FGF14: variants seen among roughly 807,000 people sequenced by gnomAD.
The protein encoded by FGF14 is fibroblast growth factor 14.
In FGF14, 5 loss-of-function variants were observed where a neutral mutation model predicts 25.5. That is an observed-to-expected ratio of 0.20 (90% confidence interval 0.10 to 0.41). FGF14 has a LOEUF of 0.41. Among genes scored for constraint, FGF14 ranks in the 10% least tolerant of loss-of-function variants. The pLI is 1.00. For missense variants in FGF14, 222 were observed against 320.1 expected, an observed-to-expected ratio of 0.69 and a Z score of 2.34; for synonymous variants, 138 against 118.3, an observed-to-expected ratio of 1.17 and a Z score of -1.08.
chr13:101,716,083 A>C lies in FGF14; in HGVS notation c.*6748T>G, dbSNP rs2034708948. 1 of 154,146 alleles carries C rather than the reference A, an allele frequency of 6.5e-6. No individual in the cohort carries two copies. The highest frequency in any genetic ancestry group is 2.4e-5 in the African/African-American group (1 of 41,496). The allele number at this position is 154,146 out of a possible 1,614,324, so 9.5% of individuals were successfully genotyped here. ...CAGCCCCAAATGCCAATAGGGCTCA[A>C]ACTGAGAAACATTGAGTTATATGGC... is the stretch of plus-strand genomic sequence containing the variant. On this transcript the variant is annotated 3_prime_UTR_variant, in exon 5 of 5. Transcript: ENST00000376143.
At chr13:102,025,983 A>G (rs1335218406) in intron 1 of FGF14, among the ~76,000 whole-genome samples, 3 of 152,016 alleles carry the variant, frequency 2.0e-5, no homozygotes, top group Non-Finnish European at 4.4e-5. Flanking sequence ...TTCAAATACA[A>G]TGTTAAACAG....
chr13:102,401,559 C>T, exon 1 of FGF14: 2 of 1,614,158 alleles, frequency 1.2e-6, no homozygotes, highest in Non-Finnish European at 1.7e-6. Context: ...AAAGAAACCA[C>T]ATTGATTTGG....
chr13:102,144,103 C>A (rs999846919), intron 1 of FGF14, among the ~76,000 whole-genome samples: 2 of 152,168 alleles, frequency 1.3e-5, no homozygotes, highest in African/African-American at 4.8e-5. Context: ...ATAGCCTTAA[C>A]CTCCTGGGCT....
intron 1 of FGF14, among the ~76,000 whole-genome samples, chr13:102,007,872 T>C (rs1259899781): frequency 1.3e-5 from 2 of 152,206 alleles, no homozygotes; most frequent in African/African-American, 4.8e-5. Context: ...TTTTGTTATT[T>C]GTTGGAATAA....
intron 1 of FGF14, among the ~76,000 whole-genome samples, chr13:102,063,339 T>C (rs1236768909): frequency 6.6e-6 from 1 of 152,178 alleles, no homozygotes; most frequent in Non-Finnish European, 1.5e-5. Flanking sequence ...AGTTGTGTTA[T>C]AAATTGGTAA....
chr13:102,003,648 T>C (rs547787483), intron 1 of FGF14, among the ~76,000 whole-genome samples: 8 of 151,362 alleles, frequency 5.3e-5, no homozygotes, highest in Non-Finnish European at 1.2e-4. Flanking sequence ...GCTTGTTTCT[T>C]TATTGCAAGG....
At chr13:102,068,425 G>T (rs2042994861) in intron 1 of FGF14, among the ~76,000 whole-genome samples, 1 of 152,222 alleles carries the variant, frequency 6.6e-6, no homozygotes, top group Non-Finnish European at 1.5e-5. Context: ...CCCTTTCTGG[G>T]CTGGCCAAGG....
chr13:102,310,443 ATAAGTAT>A (rs1566927125), intron 1 of FGF14, among the ~76,000 whole-genome samples: 1 of 152,148 alleles, frequency 6.6e-6, no homozygotes, highest in Non-Finnish European at 1.5e-5. Context: ...AATGGAACTA[ATAAGTAT>A]TAAAGGAGAA....
chr13:101,851,847 AT>A (rs2043867577), intron 3 of FGF14, among the ~76,000 whole-genome samples: 1 of 152,138 alleles, frequency 6.6e-6, no homozygotes, highest in Non-Finnish European at 1.5e-5. Context: ...CCTAAATGAA[AT>A]TGTTAGTTGC....
In FGF14 at chr13:101,854,629, T is replaced by G. The variant is rs556322718; in HGVS notation, c.408+14096A>C. On this transcript the variant is annotated intron_variant, in intron 3 of 4. Coordinates refer to ENST00000376143, the MANE Select transcript of FGF14 (RefSeq NM_004115.4). ...GAAAGCATTTCAAATGTCATCATCA[T>G]GTTGTAAAAAGTCATTCAGAATTCT... Among the ~76,000 whole-genome samples the G allele has an allele frequency of 9.3e-4, 141 of 152,212 alleles. 1 individual carries two copies. The highest frequency in any genetic ancestry group is 3.2e-3 in the African/African-American group (134 of 41,562).
chr13:101,975,291 T>C (rs2037852549), intron 1 of FGF14, among the ~76,000 whole-genome samples: 1 of 152,148 alleles, frequency 6.6e-6, no homozygotes, highest in Non-Finnish European at 1.5e-5. Flanking sequence ...TGTCCTCCAG[T>C]GGGAGCCAGC....
At chr13:101,943,803 G>C (rs1454052147) in intron 1 of FGF14, among the ~76,000 whole-genome samples, 1 of 117,196 alleles carries the variant, frequency 8.5e-6, no homozygotes, top group Non-Finnish European at 1.6e-5. Flanking sequence ...GAGAATCCCT[G>C]TCTCTACTTA....
At chr13:102,149,322 T>C (rs1432438115) in intron 1 of FGF14, among the ~76,000 whole-genome samples, 20 of 152,122 alleles carry the variant, frequency 1.3e-4, no homozygotes, top group Admixed American at 1.2e-3. Context: ...CAGGTGTTAC[T>C]TAAAAAAAGA....
intron 1 of FGF14, among the ~76,000 whole-genome samples, chr13:102,127,823 C>A (rs1325947390): frequency 6.6e-6 from 1 of 152,220 alleles, no homozygotes; most frequent in South Asian, 2.1e-4. Flanking sequence ...AGAAGTGCTA[C>A]ATATTTTTTA....
intron 1 of FGF14, among the ~76,000 whole-genome samples, chr13:101,969,306 G>C (rs1343044306): frequency 6.6e-6 from 1 of 152,204 alleles, no homozygotes; most frequent in Admixed American, 6.5e-5. Context: ...GCTCACGCCT[G>C]TAATCCCAGC....
intron 3 of FGF14, among the ~76,000 whole-genome samples, chr13:101,844,834 G>T (rs886652210): frequency 6.6e-6 from 1 of 152,018 alleles, no homozygotes; most frequent in Admixed American, 6.6e-5. Flanking sequence ...TTAACTAGGA[G>T]CAAAGAGTTA....
chr13:102,048,243 C>A (rs1443887119), intron 1 of FGF14, among the ~76,000 whole-genome samples: 1 of 151,910 alleles, frequency 6.6e-6, no homozygotes, highest in Non-Finnish European at 1.5e-5. Flanking sequence ...AAAGCTGTTG[C>A]GATCTTAGGA....
chr13:101,814,234 T>A (rs1289427864), intron 3 of FGF14, among the ~76,000 whole-genome samples: 1 of 152,042 alleles, frequency 6.6e-6, no homozygotes. Flanking sequence ...TTTAACTAGA[T>A]CCCCAGGTGA....
chr13:102,221,965 G>T (rs930644715), intron 1 of FGF14, among the ~76,000 whole-genome samples: 2 of 152,108 alleles, frequency 1.3e-5, no homozygotes, highest in African/African-American at 2.4e-5. Context: ...TTCTATCACA[G>T]ATTAGAAAAT....
Sources: allele counts gnomAD v4.1 joint callset (sites outside exome capture counted in the v4.1 genomes callset), GRCh38; gene constraint gnomAD v4.1.1; transcripts MANE v1.5; gene names NCBI Gene and HGNC (gene_info 2026-07-23, HGNC 2026-07-21).